LOC400499: variants seen among roughly 807,000 people sequenced by gnomAD.
chr16:11,410,794 C>T, the LOC400499 span, among the ~76,000 whole-genome samples: 3 of 152,238 alleles, frequency 2.0e-5, no homozygotes, highest in Admixed American at 2.0e-4. Flanking sequence ...TGGGCACAGA[C>T]AATGACAGCT....
chr16:11,522,027 C>T, the LOC400499 span: 5 of 399,262 alleles, frequency 1.3e-5, no homozygotes, highest in South Asian at 6.4e-4. Flanking sequence ...TCCCCTCCAC[C>T]AGGACGTCCT....
the LOC400499 span, chr16:11,449,025 C>T: frequency 3.9e-6 from 6 of 1,519,826 alleles, no homozygotes; most frequent in African/African-American, 8.2e-5. Flanking sequence ...ATGGATCTCG[C>T]CCTGCACTGC....
the LOC400499 span, among the ~76,000 whole-genome samples, chr16:11,373,596 G>T: frequency 6.8e-6 from 1 of 146,840 alleles, no homozygotes; most frequent in East Asian, 2.1e-4. Context: ...AAGTGCTGGG[G>T]TTACAGGAGC....
At chr16:11,480,695 G>T in the LOC400499 span, among the ~76,000 whole-genome samples, 1 of 152,156 alleles carries the variant, frequency 6.6e-6, no homozygotes, top group East Asian at 1.9e-4. Flanking sequence ...GTGTACGCCC[G>T]ACAGGTATAA....
At chr16:11,459,845 C>T in the LOC400499 span, 28 of 1,263,042 alleles carry the variant, frequency 2.2e-5, no homozygotes, top group African/African-American at 3.1e-5. Flanking sequence ...CAGCTCCTAC[C>T]GTCCATGCTG....
the LOC400499 span, among the ~76,000 whole-genome samples, chr16:11,417,324 C>G: frequency 6.6e-6 from 1 of 152,062 alleles, no homozygotes; most frequent in Non-Finnish European, 1.5e-5. Flanking sequence ...CCTTCTGGCT[C>G]CAGTAATCCC....
At chr16:11,438,466 G>A in the LOC400499 span, among the ~76,000 whole-genome samples, 2 of 151,786 alleles carry the variant, frequency 1.3e-5, no homozygotes, top group African/African-American at 4.9e-5. Context: ...ATGAACAGCA[G>A]GTGTTTAAAA....
At chr16:11,520,664 CAAAAAAAAAA>C in the LOC400499 span, among the ~76,000 whole-genome samples, 32 of 63,154 alleles carry the variant, frequency 5.1e-4, no homozygotes, top group African/African-American at 1.7e-3. Context: ...GAGACTCCAT[CAAAAAAAAAA>C]AAAAAAAAAA....
chr16:11,443,839 CT>C, the LOC400499 span, among the ~76,000 whole-genome samples: 76 of 147,128 alleles, frequency 5.2e-4, no homozygotes, highest in African/African-American at 6.5e-4. Context: ...AATCCCAACA[CT>C]TTTTTTTTTT....
the LOC400499 span, among the ~76,000 whole-genome samples, chr16:11,451,703 G>C: frequency 6.6e-6 from 1 of 152,210 alleles, no homozygotes. Context: ...CAATTTACCT[G>C]ATACCTAAAT....
the LOC400499 span, chr16:11,471,467 G>A: frequency 2.3e-5 from 9 of 394,368 alleles, no homozygotes; most frequent in Non-Finnish European, 3.6e-5. Context: ...CTGATTCAGA[G>A]TTAATGCATC....
the LOC400499 span, among the ~76,000 whole-genome samples, chr16:11,500,050 T>A: frequency 6.6e-6 from 1 of 152,348 alleles, no homozygotes; most frequent in Non-Finnish European, 1.5e-5. Context: ...TCACACAGAT[T>A]TCCTAATCTC....
the LOC400499 span, among the ~76,000 whole-genome samples, chr16:11,524,361 G>GCCCCCCCCCCCCCCCCCCCCCCCCCCCC: frequency 1.1e-5 from 1 of 93,728 alleles, no homozygotes; most frequent in African/African-American, 6.4e-5. Context: ...CATCCACCCA[G>GCCCCCCCCCCCCCCCCCCCCCCCCCCCC]CCACCCACCC....
At chr16:11,497,850 G>A in the LOC400499 span, among the ~76,000 whole-genome samples, 3 of 152,238 alleles carry the variant, frequency 2.0e-5, no homozygotes, top group Non-Finnish European at 2.9e-5. Flanking sequence ...AAAAAAATGG[G>A]AGGAGAAGAA....
At chr16:11,400,531 C>G in the LOC400499 span, among the ~76,000 whole-genome samples, 1 of 152,040 alleles carries the variant, frequency 6.6e-6, no homozygotes. Context: ...ACCTCCACCT[C>G]CAGGGCTCAA....
At chr16:11,435,910 G>A in the LOC400499 span, 1 of 399,298 alleles carries the variant, frequency 2.5e-6, no homozygotes. Flanking sequence ...GACAGGAAGG[G>A]TCTATGGGAT....
the LOC400499 span, among the ~76,000 whole-genome samples, chr16:11,455,636 G>C: frequency 6.6e-6 from 1 of 151,616 alleles, no homozygotes; most frequent in African/African-American, 2.4e-5. Flanking sequence ...TTGGGAGGCT[G>C]AGGCACGAGA....
chr16:11,404,433 G>A, the LOC400499 span, among the ~76,000 whole-genome samples: 1 of 151,978 alleles, frequency 6.6e-6, no homozygotes. Flanking sequence ...TGCAACCTCT[G>A]CCTCCCAGGT....
chr16:11,452,354 A>G, the LOC400499 span, among the ~76,000 whole-genome samples: 1 of 152,112 alleles, frequency 6.6e-6, no homozygotes, highest in Non-Finnish European at 1.5e-5. Context: ...TTGTCTCCCA[A>G]GTTCAAGACC....
Sources: allele counts gnomAD v4.1 joint callset (sites outside exome capture counted in the v4.1 genomes callset), GRCh38; gene constraint gnomAD v4.1.1; transcripts MANE v1.5.